Variants in BRD1 observed in about 807,000 individuals in gnomAD.
The protein encoded by BRD1 is bromodomain-containing protein 1.
In BRD1, 24 loss-of-function variants were observed where a neutral mutation model predicts 107.7. The observed-to-expected ratio is 0.22, with a 90% CI of 0.16 to 0.31. BRD1 has a LOEUF of 0.31. Ranked by LOEUF, BRD1 falls within the 10% of genes least tolerant of loss-of-function variation. BRD1 has a pLI of 1.00. For missense variants in BRD1, 1,279 were observed against 1,638.6 expected (o/e 0.78, Z 3.79); for synonymous variants, 744 against 686.1 (o/e 1.08, Z -1.32).
In BRD1 at chr22:49,777,685, C is replaced by T; in HGVS notation, c.2986G>A (p.Asp996Asn). ...SISSSNSPLCDSSFNAPKCGR... is the reference protein window; with the variant it reads ...SISSSNSPLCNSSFNAPKCGR... ...CAGGGCCGCGGTGCCCACCTCGAGT[C>T]GCAGAGCGGGCTGTTGCTGGAGGAG... The change falls in exon 9 of 13, where the codon GAC (aspartate) becomes AAC (asparagine). Residue 996 changes from aspartate to asparagine, a missense_variant. Asp to Asn is a conservative substitution (Grantham distance 23). Around this residue, in one of 7 missense-constraint regions of BRD1, gnomAD observed 263 missense variants for 251.6 expected, o/e 1.05. Transcript: ENST00000404760. The T allele has an allele frequency of 2.5e-6, 4 of 1,606,508 alleles. No individual in the cohort carries two copies. Among genetic ancestry groups the T allele is most frequent in the Non-Finnish European group, 3.4e-6 (4 of 1,177,736 alleles).
At chr22:49,811,346 T>C (rs867978635) in intron 2 of BRD1, among the ~76,000 whole-genome samples, 1 of 152,106 alleles carries the variant, frequency 6.6e-6, no homozygotes, top group Admixed American at 6.5e-5. Context: ...AATGCACAAC[T>C]CTGTGAACTA....
At position 49,803,001 on chromosome 22, in the gene BRD1, G is replaced by C. The variant is rs942057316; in HGVS notation, c.1524+1203C>G. Among the ~76,000 whole-genome samples the C allele has an allele frequency of 1.3e-5, 2 of 152,242 alleles. No homozygotes were observed. Among genetic ancestry groups the C allele is most frequent in the African/African-American group, 4.8e-5 (2 of 41,466 alleles). ...CCCAAGTTCCATGGACAGACACACA[G>C]TGGGGCAACCCAGGTGGACGGCACG... On this transcript the variant is annotated intron_variant, in intron 3 of 12. Coordinates refer to ENST00000404760, the MANE Select transcript of BRD1 (RefSeq NM_001304808.3). This position sits in a 1 kb window ranked among gnomAD's most constrained non-coding sequence, Gnocchi z 4.4.
Position 49,824,402 on chromosome 22 carries a change from T to C in BRD1, c.-14-71A>G. 2 of 1,559,378 alleles carry C rather than the reference T, an allele frequency of 1.3e-6. No homozygotes were observed. Among genetic ancestry groups the C allele is most frequent in the Non-Finnish European group, 1.7e-6 (2 of 1,157,204 alleles). On this transcript the variant is annotated intron_variant, in intron 1 of 12. Coordinates refer to ENST00000404760, the MANE Select transcript of BRD1 (RefSeq NM_001304808.3). This position sits in a 1 kb window ranked among gnomAD's most constrained non-coding sequence, Gnocchi z 5.9. ...AAGACTCGAGAAAACCACAAAAGCA[T>C]GCTTGGACAGATCTAGCTCAGCAGC... is the stretch of plus-strand genomic sequence containing the variant.
chr22:49,821,864 A>G (rs1204476037), intron 2 of BRD1, among the ~76,000 whole-genome samples: 1 of 152,184 alleles, frequency 6.6e-6, no homozygotes, highest in African/African-American at 2.4e-5. Context: ...CTGCAAGCTC[A>G]GCACCAGGCT....
intron 6 of BRD1, among the ~76,000 whole-genome samples, chr22:49,795,573 C>T (rs568938076): frequency 1.3e-5 from 2 of 152,336 alleles, no homozygotes; most frequent in African/African-American, 2.4e-5. Context: ...TGGGGGAGCA[C>T]AGGAGCAGGG....
chr22:49,816,626 A>T (rs1343369040), intron 2 of BRD1, among the ~76,000 whole-genome samples: 1 of 152,092 alleles, frequency 6.6e-6, no homozygotes, highest in Non-Finnish European at 1.5e-5. Context: ...GGGCTGGGCG[A>T]GGTGGCTCAC....
chr22:49,822,901 G>C, intron 2 of BRD1, 50 bp downstream of exon 2: 2 of 1,586,810 alleles, frequency 1.3e-6, no homozygotes, highest in Non-Finnish European at 1.7e-6. Context: ...CGTCCTCCCA[G>C]GGTCCCACAC....
chr22:49,781,927 C>G (rs921974390), intron 8 of BRD1, among the ~76,000 whole-genome samples: 1 of 150,340 alleles, frequency 6.7e-6, no homozygotes, highest in Non-Finnish European at 1.5e-5. Context: ...ACCCAAGGCC[C>G]ATGTTGCTGG....
At chr22:49,798,281 G>A (rs966297706) in intron 5 of BRD1, among the ~76,000 whole-genome samples, 164 bp from the exon 6 acceptor site, 9 of 152,216 alleles carry the variant, frequency 5.9e-5, no homozygotes, top group South Asian at 2.1e-4. Context: ...GGACCTTCCC[G>A]ACCCCAGCTC....
At chr22:49,816,426 C>T (rs1052256241) in intron 2 of BRD1, among the ~76,000 whole-genome samples, 6 of 152,108 alleles carry the variant, frequency 3.9e-5, no homozygotes, top group Non-Finnish European at 8.8e-5. Flanking sequence ...GTGGACTCAA[C>T]GCCCCCAAGA....
At chr22:49,814,391 C>A (rs920618334) in intron 2 of BRD1, among the ~76,000 whole-genome samples, 1 of 152,168 alleles carries the variant, frequency 6.6e-6, no homozygotes, top group African/African-American at 2.4e-5. Flanking sequence ...ACACATGAGA[C>A]CAGCCGGCCA....
chr22:49,779,196 T>C (rs1305520667), intron 8 of BRD1, among the ~76,000 whole-genome samples: 1 of 152,164 alleles, frequency 6.6e-6, no homozygotes, highest in Non-Finnish European at 1.5e-5. Context: ...CTCAGCCTCC[T>C]GAGTGGCTGG....
At position 49,774,506 on chromosome 22, in the gene BRD1, T is replaced by C. The variant is rs2146889390; in HGVS notation, c.3387-90A>G. 3.6e-6 allele frequency: 5 copies of C among 1,401,520 alleles called. No individual in the cohort carries two copies. The South Asian group carries it at 4.0e-5, about 11-fold the overall frequency. The allele number at this position is 1,401,520 out of a possible 1,614,324, so 86.8% of individuals were successfully genotyped here. A position where few individuals can be genotyped will look rare whatever the true frequency, so the allele number is the denominator to read the frequency against. On this transcript the variant is annotated intron_variant, in intron 12 of 12. Transcript: ENST00000404760. ...TAATCATCTAACAAATTCACTGCCCTCCGATAGAAAGGGGCCCTGCTCAGC... is the reference window on the plus strand; with the variant it reads ...TAATCATCTAACAAATTCACTGCCCCCCGATAGAAAGGGGCCCTGCTCAGC...
chr22:49,787,954 T>G lies in BRD1; in HGVS notation c.2360-67A>C. The G allele has an allele frequency of 2.2e-6, 3 of 1,351,754 alleles. No homozygotes were observed. In the South Asian group the frequency reaches 4.7e-5, roughly 21 times the overall value. 83.7% of individuals were successfully genotyped at this position (1,351,754 alleles called of 1,614,324 possible). On this transcript the variant is annotated intron_variant, in intron 7 of 12. Coordinates refer to ENST00000404760, the MANE Select transcript of BRD1 (RefSeq NM_001304808.3). ...TTATAAAATCTATTATAAAACTTAC[T>G]ATAAATGTGAAGTCCACCAAAATAC...
At chr22:49,776,922 C>G (rs932754978) in intron 10 of BRD1, 112 bp downstream of exon 10, 3 of 1,484,752 alleles carry the variant, frequency 2.0e-6, no homozygotes, top group Non-Finnish European at 2.8e-6. Flanking sequence ...CAGGGTGGGG[C>G]TCCACACAGG....
At chr22:49,776,901 G>A (rs534058299) in intron 10 of BRD1, 133 bp downstream of exon 10, 420 of 1,313,212 alleles carry the variant, frequency 3.2e-4, no homozygotes, top group Admixed American at 7.8e-4. Flanking sequence ...ACCCTTCCCC[G>A]GGAGGTTGGC....
intron 10 of BRD1, among the ~76,000 whole-genome samples, 197 bp from the exon 11 acceptor site, chr22:49,776,356 C>G (rs2059099525): frequency 6.6e-6 from 1 of 152,186 alleles, no homozygotes; most frequent in Non-Finnish European, 1.5e-5. Context: ...CTGCAGCCCA[C>G]CTGGGGCCAC....
At chr22:49,805,307 G>A (rs1449410092) in intron 2 of BRD1, 2 of 152,232 alleles carry the variant, frequency 1.3e-5, no homozygotes, top group Non-Finnish European at 2.9e-5. Context: ...GAGCCTGCAG[G>A]AGAACACTCA....
intron 6 of BRD1, 126 bp downstream of exon 6, chr22:49,797,676 AAAT>A: frequency 3.4e-6 from 3 of 872,820 alleles, no homozygotes; most frequent in Non-Finnish European, 3.3e-6. Context: ...TAGAAAATGT[AAAT>A]GATGTATGCG....
Sources: allele counts gnomAD v4.1 joint callset (sites outside exome capture counted in the v4.1 genomes callset), GRCh38; gene constraint gnomAD v4.1.1; regional missense constraint gnomAD v4.1.1; non-coding constraint Gnocchi (gnomAD v3.1); transcripts MANE v1.5; gene names NCBI Gene and HGNC (gene_info 2026-07-23, HGNC 2026-07-21).